SLC25A21: variants seen among roughly 807,000 people sequenced by gnomAD.
SLC25A21 encodes mitochondrial 2-oxodicarboxylate carrier.
In SLC25A21, 47 loss-of-function variants were observed where a neutral mutation model predicts 43.8. That is an observed-to-expected ratio of 1.07 (90% CI 0.85 to 1.37). The LOEUF (loss-of-function observed/expected upper bound fraction) is 1.37, where lower values mean the gene tolerates loss of function less well. SLC25A21 is among the 40% of genes most tolerant of loss of function. SLC25A21 has a pLI of 0.00. For missense variants in SLC25A21, 352 were observed against 350.2 expected (o/e 1.00, Z -0.04); for synonymous variants, 131 against 121.3 (o/e 1.08, Z -0.52).
intron 1 of SLC25A21, among the ~76,000 whole-genome samples, chr14:36,974,306 T>A (rs1219278397): frequency 1.3e-5 from 2 of 152,210 alleles, no homozygotes; most frequent in Non-Finnish European, 2.9e-5. Context: ...GAAATATGAC[T>A]CATGCTTTCT....
At chr14:37,027,407 G>C (rs546604518) in intron 1 of SLC25A21, among the ~76,000 whole-genome samples, 1 of 152,216 alleles carries the variant, frequency 6.6e-6, no homozygotes, top group South Asian at 2.1e-4. Context: ...ACTCAAATCA[G>C]GCATTGACCT....
intron 1 of SLC25A21, among the ~76,000 whole-genome samples, chr14:37,079,204 C>T (rs920745853): frequency 2.0e-5 from 3 of 152,128 alleles, no homozygotes; most frequent in East Asian, 1.9e-4. Context: ...ACATTTTTGT[C>T]GTCAGCCCAG....
At chr14:37,105,686 T>C (rs959203449) in intron 1 of SLC25A21, among the ~76,000 whole-genome samples, 1 of 152,184 alleles carries the variant, frequency 6.6e-6, no homozygotes, top group Non-Finnish European at 1.5e-5. Flanking sequence ...TTATCTCAAC[T>C]GTAATGGAGA....
intron 1 of SLC25A21, among the ~76,000 whole-genome samples, chr14:37,014,476 A>T (rs530481403): frequency 6.6e-6 from 1 of 152,108 alleles, no homozygotes; most frequent in East Asian, 1.9e-4. Flanking sequence ...TTATCCTGAG[A>T]TTGAGCAATT....
chr14:36,824,537 T>C (rs114059690), intron 2 of SLC25A21, among the ~76,000 whole-genome samples: 2,088 of 152,222 alleles, frequency 0.014, 55 homozygotes, highest in African/African-American at 0.048. Context: ...ATATAATCTA[T>C]CCCAGTGTGT....
chr14:36,721,079 C>G (rs750277624), intron 6 of SLC25A21, among the ~76,000 whole-genome samples: 2 of 152,158 alleles, frequency 1.3e-5, no homozygotes, highest in Admixed American at 1.3e-4. Flanking sequence ...CTTAAACTTA[C>G]GCATTTGTAA....
At chr14:36,734,459 T>G (rs1342156537) in intron 4 of SLC25A21, 48 bp downstream of exon 4, 1 of 1,439,564 alleles carries the variant, frequency 6.9e-7, no homozygotes, top group Admixed American at 1.9e-5. Flanking sequence ...GTGCTGAAGC[T>G]GTTACTGTGC....
At chr14:37,095,149 T>A (rs1962662495) in intron 1 of SLC25A21, among the ~76,000 whole-genome samples, 1 of 152,254 alleles carries the variant, frequency 6.6e-6, no homozygotes, top group African/African-American at 2.4e-5. Context: ...TTTGTCTGTT[T>A]TGATCACTGC....
intron 1 of SLC25A21, among the ~76,000 whole-genome samples, chr14:36,996,597 T>C (rs199686946): frequency 1.3e-5 from 2 of 152,192 alleles, no homozygotes; most frequent in East Asian, 3.9e-4. Context: ...TTTGAATGTT[T>C]ATCTCCTCTC....
intron 3 of SLC25A21, among the ~76,000 whole-genome samples, chr14:36,794,992 C>A (rs1187528122): frequency 6.6e-6 from 1 of 151,938 alleles, no homozygotes. Flanking sequence ...GACTTGGTGG[C>A]CACTAGACCA....
intron 3 of SLC25A21, among the ~76,000 whole-genome samples, chr14:36,774,601 T>G (rs1039723575): frequency 1.3e-5 from 2 of 152,052 alleles, no homozygotes; most frequent in Non-Finnish European, 1.5e-5. Flanking sequence ...AGACAGGGTC[T>G]CTGTTGCCCA....
intron 1 of SLC25A21, among the ~76,000 whole-genome samples, chr14:36,888,804 T>C (rs1222103571): frequency 6.6e-6 from 1 of 152,154 alleles, no homozygotes; most frequent in Non-Finnish European, 1.5e-5. Flanking sequence ...TTTCTTCCCA[T>C]TACTCATGGA....
At chr14:37,106,543 C>T (rs1333900512) in intron 1 of SLC25A21, among the ~76,000 whole-genome samples, 2 of 152,058 alleles carry the variant, frequency 1.3e-5, no homozygotes, top group African/African-American at 4.8e-5. Flanking sequence ...AAAAACAACC[C>T]TGTTTTCTGT....
At chr14:36,923,878 C>T (rs1013268907) in intron 1 of SLC25A21, among the ~76,000 whole-genome samples, 1 of 152,216 alleles carries the variant, frequency 6.6e-6, no homozygotes, top group East Asian at 1.9e-4. Flanking sequence ...TATGAACAGA[C>T]ACTTCTTAAA....
intron 3 of SLC25A21, among the ~76,000 whole-genome samples, chr14:36,798,554 G>GT (rs1236174246): frequency 0.033 from 4,129 of 123,550 alleles, 121 homozygotes; most frequent in African/African-American, 0.085. Context: ...CCAGAGCTGG[G>GT]TTTTTTTTTT....
intron 7 of SLC25A21, among the ~76,000 whole-genome samples, chr14:36,692,138 C>G (rs990551799): frequency 2.0e-5 from 3 of 152,214 alleles, no homozygotes; most frequent in African/African-American, 7.2e-5. Context: ...CTGGCTGTTT[C>G]CATCACACTG....
intron 1 of SLC25A21, among the ~76,000 whole-genome samples, chr14:37,144,924 G>GTGGTTGTT: frequency 6.7e-6 from 1 of 150,352 alleles, no homozygotes; most frequent in Admixed American, 6.6e-5. Context: ...CAGCCTGGGT[G>GTGGTTGTT]GTTGTTGTTG....
intron 3 of SLC25A21, among the ~76,000 whole-genome samples, chr14:36,778,523 A>G (rs1886919430): frequency 1.3e-5 from 2 of 152,188 alleles, no homozygotes; most frequent in Admixed American, 6.5e-5. Context: ...GAGCACTACC[A>G]TGAACAAGCC....
intron 1 of SLC25A21, among the ~76,000 whole-genome samples, chr14:36,951,235 CA>C (rs34543759): frequency 0.67 from 88,018 of 131,654 alleles, 27,643 homozygotes; most frequent in Admixed American, 0.71. Flanking sequence ...ACTGCCATTA[CA>C]AAAAAAAAAA....
Sources: allele counts gnomAD v4.1 joint callset (sites outside exome capture counted in the v4.1 genomes callset), GRCh38; gene constraint gnomAD v4.1.1; transcripts MANE v1.5; gene names NCBI Gene and HGNC (gene_info 2026-07-23, HGNC 2026-07-21).